SEMA3E: variants seen among roughly 807,000 people sequenced by gnomAD.
SEMA3E encodes semaphorin 3E.
Under a neutral mutation model 93.6 loss-of-function variants are expected in SEMA3E, and 49 were observed. The observed-to-expected ratio is 0.52, with a 90% CI of 0.42 to 0.66. The LOEUF is 0.66. Among genes scored for constraint, SEMA3E ranks in the 30% least tolerant of loss-of-function variants. The probability of loss-of-function intolerance (pLI) is 0.00; values close to 1 mark genes in which losing one functional copy is unlikely to be tolerated. For missense variants in SEMA3E, 906 were observed against 964.8 expected, an observed-to-expected ratio of 0.94 and a Z score of 0.81; for synonymous variants, 363 against 330.7, an observed-to-expected ratio of 1.10 and a Z score of -1.06.
intron 1 of SEMA3E, chr7:83,616,657 T>C (rs1793372632): frequency 2.3e-6 from 1 of 443,666 alleles, no homozygotes; most frequent in Non-Finnish European, 4.5e-6. Flanking sequence ...CTTTTCTTCA[T>C]TCAAGTTGTG....
chr7:83,610,653 A>G lies in SEMA3E; in HGVS notation c.115+37775T>C, dbSNP rs974552687. Among the ~76,000 whole-genome samples the G allele has an allele frequency of 2.0e-5, 3 of 152,062 alleles. 1 individual carries two copies. Among genetic ancestry groups the G allele is most frequent in the African/African-American group, 7.2e-5 (3 of 41,432 alleles). On this transcript the variant is annotated intron_variant, in intron 1 of 16. Transcript: ENST00000643230. The stretch of plus-strand genomic sequence containing the variant: ...CCATATGTTGAAGTCCTAAAGCCCA[A>G]TACCTCAGAATGTGACTATATTTGG...
chr7:83,643,344 A>G lies in SEMA3E; in HGVS notation c.115+5084T>C, dbSNP rs556053833. On this transcript the variant is annotated intron_variant, in intron 1 of 16. Coordinates refer to ENST00000643230, the MANE Select transcript of SEMA3E (RefSeq NM_012431.3). ...AACAAAGAACAGGCATTGATTATAT[A>G]TTATGTATAGAATACTTCCCTTGTA... 2.0e-5 allele frequency among the ~76,000 whole-genome samples: 3 copies of G among 152,160 alleles called. No homozygotes were observed. The South Asian group carries it at 6.2e-4, about 32-fold the overall frequency.
intron 1 of SEMA3E, among the ~76,000 whole-genome samples, chr7:83,550,461 G>T (rs574292065): frequency 6.6e-6 from 1 of 152,054 alleles, no homozygotes; most frequent in African/African-American, 2.4e-5. Context: ...GGGAAATTAG[G>T]GTTGTTGCTC....
At chr7:83,479,928 A>T (rs1447849111) in intron 2 of SEMA3E, among the ~76,000 whole-genome samples, 2 of 152,208 alleles carry the variant, frequency 1.3e-5, no homozygotes, top group Admixed American at 1.3e-4. Flanking sequence ...CAAATACATA[A>T]GATCTAGTGC....
chr7:83,520,512 G>A (rs1422321320), intron 1 of SEMA3E, among the ~76,000 whole-genome samples: 1 of 152,044 alleles, frequency 6.6e-6, no homozygotes, highest in Non-Finnish European at 1.5e-5. Flanking sequence ...AACAAAAAGA[G>A]AAGTGCTGGT....
At position 83,392,483 on chromosome 7, in the gene SEMA3E, TA is replaced by T. The variant is rs58582279; in HGVS notation, c.1667+71del. On this transcript the variant is annotated intron_variant, in intron 14 of 16. Transcript: ENST00000643230. ...AGGTATTTTCTGGAAAACTTCAAGT[TA>T]AAAAAAAAAAAAAAAAAGCATTAGG... The T allele has an allele frequency of 4.0e-4, 585 of 1,464,780 alleles. 3 individuals are homozygous for T. The African/African-American group carries it at 6.7e-3, about 17-fold the overall frequency. 90.7% of individuals were successfully genotyped at this position (1,464,780 alleles called of 1,614,324 possible).
chr7:83,543,984 A>C (rs1011810640), intron 1 of SEMA3E, among the ~76,000 whole-genome samples: 3 of 152,038 alleles, frequency 2.0e-5, no homozygotes, highest in Admixed American at 6.6e-5. Context: ...CTTCCCTCCC[A>C]CAAATGCTTT....
chr7:83,611,390 T>TTA (rs751910453), intron 1 of SEMA3E, among the ~76,000 whole-genome samples: 2,477 of 141,772 alleles, frequency 0.017, 65 homozygotes, highest in African/African-American at 0.057. Context: ...AATTTATATA[T>TTA]TATATATATA....
At chr7:83,642,669 T>A (rs1176641945) in intron 1 of SEMA3E, among the ~76,000 whole-genome samples, 1 of 152,038 alleles carries the variant, frequency 6.6e-6, no homozygotes, top group Non-Finnish European at 1.5e-5. Flanking sequence ...AAAAAAAATA[T>A]CAAAATAACC....
At chr7:83,404,581 T>C (rs1788291909) in intron 9 of SEMA3E, among the ~76,000 whole-genome samples, 1 of 151,972 alleles carries the variant, frequency 6.6e-6, no homozygotes, top group African/African-American at 2.4e-5. Flanking sequence ...TTCTAATATT[T>C]TTATTTGTGT....
intron 4 of SEMA3E, among the ~76,000 whole-genome samples, chr7:83,439,170 A>G (rs1272654717): frequency 6.6e-6 from 1 of 152,206 alleles, no homozygotes; most frequent in Non-Finnish European, 1.5e-5. Flanking sequence ...GATGCATTTG[A>G]AAACTCTTCA....
intron 1 of SEMA3E, among the ~76,000 whole-genome samples, chr7:83,526,433 G>T (rs907648713): frequency 3.9e-5 from 6 of 152,076 alleles, no homozygotes; most frequent in African/African-American, 7.2e-5. Flanking sequence ...AAGTAGAAAG[G>T]TTATATTGGA....
At chr7:83,502,650 G>A (rs1461861969) in intron 1 of SEMA3E, among the ~76,000 whole-genome samples, 2 of 152,166 alleles carry the variant, frequency 1.3e-5, no homozygotes, top group Non-Finnish European at 2.9e-5. Flanking sequence ...GGCATTCTAA[G>A]TTGCACCATT....
intron 16 of SEMA3E, among the ~76,000 whole-genome samples, 169 bp from the exon 17 acceptor site, chr7:83,368,207 CTCTGTGTGTG>C (rs1241933473): frequency 7.7e-6 from 1 of 129,098 alleles, no homozygotes; most frequent in Non-Finnish European, 1.6e-5. Flanking sequence ...CTCTCTCTCT[CTCTGTGTGTG>C]TGTGTGTGTG....
intron 4 of SEMA3E, among the ~76,000 whole-genome samples, chr7:83,454,451 T>C (rs969401649): frequency 2.6e-5 from 4 of 151,648 alleles, no homozygotes; most frequent in Non-Finnish European, 5.9e-5. Context: ...GATATGCATA[T>C]TTATTTGTGA....
At chr7:83,387,873 T>C (rs867597192) in intron 14 of SEMA3E, among the ~76,000 whole-genome samples, 3 of 146,208 alleles carry the variant, frequency 2.1e-5, no homozygotes, top group Non-Finnish European at 3.0e-5. Flanking sequence ...TAACATTATA[T>C]ATATGTTTAT....
intron 5 of SEMA3E, among the ~76,000 whole-genome samples, chr7:83,412,570 A>AC (rs1013643423): frequency 2.0e-5 from 3 of 151,734 alleles, no homozygotes; most frequent in African/African-American, 4.8e-5. Context: ...ACATAAAGAG[A>AC]CCCCCATCTC....
intron 1 of SEMA3E, among the ~76,000 whole-genome samples, chr7:83,618,782 A>C (rs934147477): frequency 2.0e-5 from 3 of 151,964 alleles, no homozygotes; most frequent in African/African-American, 7.2e-5. Flanking sequence ...AATACAATAA[A>C]ATACAATAAA....
intron 2 of SEMA3E, among the ~76,000 whole-genome samples, chr7:83,485,847 ATTTAT>A (rs1172475579): frequency 2.0e-5 from 3 of 152,112 alleles, no homozygotes; most frequent in African/African-American, 7.2e-5. Flanking sequence ...GTTCAGAAGT[ATTTAT>A]TTTATTATAT....
Sources: gnomAD v4.1 joint callset for allele counts (sites outside exome capture counted in the v4.1 genomes callset) on GRCh38, gnomAD v4.1.1 for gene constraint, MANE v1.5 for transcripts, NCBI Gene and HGNC (gene_info 2026-07-23, HGNC 2026-07-21) for gene names.